Variants in FERMT1 observed in about 807,000 individuals in gnomAD.
FERMT1 encodes FERM domain containing kindlin 1.
In FERMT1, 60 loss-of-function variants were observed where a neutral mutation model predicts 85.3. The observed-to-expected ratio is 0.70, with a 90% CI of 0.57 to 0.87. The LOEUF (loss-of-function observed/expected upper bound fraction) is 0.87. Among genes scored for constraint, FERMT1 ranks in the 40% least tolerant of loss-of-function variants. The pLI is 0.00. For missense variants in FERMT1, 701 were observed against 818.9 expected, an observed-to-expected ratio of 0.86 and a Z score of 1.76; for synonymous variants, 275 against 301.1, an observed-to-expected ratio of 0.91 and a Z score of 0.90.
At chr20:6,106,244 A>T (rs1982793602) in intron 6 of FERMT1, among the ~76,000 whole-genome samples, 1 of 152,152 alleles carries the variant, frequency 6.6e-6, no homozygotes, top group African/African-American at 2.4e-5. Flanking sequence ...CAGGATAAAA[A>T]TCAAGGACTG....
chr20:6,084,310 C>T (rs1186735953), intron 12 of FERMT1, 146 bp from the exon 13 acceptor site: 1 of 896,992 alleles, frequency 1.1e-6, no homozygotes, highest in Non-Finnish European at 1.8e-6. Flanking sequence ...CATTCATTCT[C>T]TCTCTTTTTC....
intron 11 of FERMT1, among the ~76,000 whole-genome samples, chr20:6,086,117 G>A (rs1411092218): frequency 6.6e-6 from 1 of 151,422 alleles, no homozygotes; most frequent in Admixed American, 6.6e-5. Context: ...ACTCCAGCCT[G>A]GTGACAGAGC....
chr20:6,084,793 G>A (rs1002780256), intron 12 of FERMT1, among the ~76,000 whole-genome samples: 1 of 151,278 alleles, frequency 6.6e-6, no homozygotes, highest in Non-Finnish European at 1.5e-5. Flanking sequence ...TCCTGGGCTC[G>A]AGCAATTCTC....
chr20:6,095,030 A>G (rs1175708253), intron 8 of FERMT1, 42 bp from the exon 9 acceptor site: 7 of 1,118,872 alleles, frequency 6.3e-6, no homozygotes, highest in Non-Finnish European at 8.2e-6. Context: ...GGAACTTCAT[A>G]AGTGATGCTG....
Sources: allele counts gnomAD v4.1 joint callset (sites outside exome capture counted in the v4.1 genomes callset), GRCh38; gene constraint gnomAD v4.1.1; transcripts MANE v1.5; gene names NCBI Gene and HGNC (gene_info 2026-07-23, HGNC 2026-07-21).